Variants in APP observed in about 807,000 individuals in gnomAD.
APP encodes the protein amyloid-beta precursor protein.
In APP, 31 loss-of-function variants were observed where a neutral mutation model predicts 101.4. The ratio of observed to expected loss-of-function variants is 0.31; its 90% CI spans 0.23 to 0.41. APP has a LOEUF of 0.41. APP is among the 10% of genes least tolerant of loss of function. APP has a pLI of 1.00. For missense variants in APP, 839 were observed against 1,003.7 expected (o/e 0.84, Z 2.22); for synonymous variants, 366 against 364.4 (o/e 1.00, Z -0.05).
intron 6 of APP, among the ~76,000 whole-genome samples, chr21:26,006,228 AG>A (rs1667500520): frequency 6.6e-6 from 1 of 152,236 alleles, no homozygotes; most frequent in African/African-American, 2.4e-5. Flanking sequence ...TGGCTATCTA[AG>A]GAACCACAAT....
At chr21:26,163,000 G>T (rs1204808652) in intron 1 of APP, among the ~76,000 whole-genome samples, 2 of 149,646 alleles carry the variant, frequency 1.3e-5, no homozygotes, top group Non-Finnish European at 3.0e-5. Flanking sequence ...GGCCTAGGTG[G>T]GTGGATCACT....
At chr21:25,907,051 T>C (rs771877000) in intron 14 of APP, among the ~76,000 whole-genome samples, 5 of 152,200 alleles carry the variant, frequency 3.3e-5, no homozygotes, top group Non-Finnish European at 7.3e-5. Flanking sequence ...ACAAAGTAAA[T>C]GGTTTTTCCA....
chr21:25,978,812 C>A (rs893854235), intron 9 of APP, among the ~76,000 whole-genome samples: 1 of 151,998 alleles, frequency 6.6e-6, no homozygotes, highest in Non-Finnish European at 1.5e-5. Context: ...ATTAGCTCGG[C>A]GTGGTGGCAC....
chr21:26,170,720 C>T lies in APP; in HGVS notation c.-100G>A, dbSNP rs915486295. The stretch of plus-strand genomic sequence containing the variant: ...CCACCGCCGCCGTCTCCCGGGGCCC[C>T]CGCGCACGCTCCTCCGCGTGCTCTC... On this transcript the variant is annotated 5_prime_UTR_variant, in exon 1 of 18. Transcript: ENST00000346798. 11 of 1,258,744 alleles carry T rather than the reference C, an allele frequency of 8.7e-6. No homozygotes were observed. Among genetic ancestry groups the T allele is most frequent in the Middle Eastern group, 2.7e-4 (1 of 3,650 alleles). 78.0% of individuals were successfully genotyped at this position (1,258,744 alleles called of 1,614,324 possible). A position where few individuals can be genotyped will look rare whatever the true frequency, so the allele number is the denominator to read the frequency against.
intron 8 of APP, among the ~76,000 whole-genome samples, chr21:25,993,115 T>C (rs1228419422): frequency 1.3e-5 from 2 of 152,164 alleles, no homozygotes; most frequent in Non-Finnish European, 2.9e-5. Flanking sequence ...GCAACAAACT[T>C]GGAACCTGGG....
chr21:26,099,116 T>C (rs1457883293), intron 2 of APP, among the ~76,000 whole-genome samples: 2 of 151,684 alleles, frequency 1.3e-5, no homozygotes, highest in African/African-American at 4.8e-5. Flanking sequence ...TAAATACATT[T>C]AGTCCAGAGG....
intron 8 of APP, among the ~76,000 whole-genome samples, chr21:25,990,883 C>T (rs1253851689): frequency 2.6e-5 from 4 of 152,200 alleles, no homozygotes; most frequent in African/African-American, 9.7e-5. Flanking sequence ...AAAATAACTG[C>T]TGCACAGTTC....
chr21:26,061,942 G>A (rs56183877), intron 3 of APP, among the ~76,000 whole-genome samples: 1 of 152,246 alleles, frequency 6.6e-6, no homozygotes, highest in African/African-American at 2.4e-5. Context: ...CTGGCCGGGA[G>A]TGGTGGCTCA....
At chr21:25,887,596 A>G (rs2037418505) in intron 17 of APP, among the ~76,000 whole-genome samples, 1 of 152,040 alleles carries the variant, frequency 6.6e-6, no homozygotes, top group South Asian at 2.1e-4. Flanking sequence ...ATAAAAATAC[A>G]GTTATGGGCC....
chr21:26,093,975 G>A (rs556491776), intron 2 of APP, among the ~76,000 whole-genome samples: 2 of 152,148 alleles, frequency 1.3e-5, no homozygotes, highest in Non-Finnish European at 2.9e-5. Context: ...TTAGCTGGGC[G>A]TCATGGCACA....
intron 16 of APP, among the ~76,000 whole-genome samples, chr21:25,896,508 G>C (rs922204573): frequency 6.6e-6 from 1 of 151,972 alleles, no homozygotes; most frequent in Non-Finnish European, 1.5e-5. Flanking sequence ...CCATTTTTCT[G>C]TCCACCACTG....
chr21:25,924,500 A>T (rs1381319687), intron 13 of APP, among the ~76,000 whole-genome samples: 2 of 147,278 alleles, frequency 1.4e-5, no homozygotes, highest in Non-Finnish European at 3.0e-5. Flanking sequence ...ATCCTCAGCA[A>T]ACTAACATAG....
intron 13 of APP, among the ~76,000 whole-genome samples, chr21:25,952,331 T>C (rs1231585794): frequency 7.2e-5 from 11 of 152,170 alleles, no homozygotes; most frequent in Admixed American, 5.2e-4. Context: ...ATGTGCCATG[T>C]TGGTGTGCTG....
chr21:26,051,762 T>G (rs2045849064), intron 4 of APP, among the ~76,000 whole-genome samples: 1 of 152,206 alleles, frequency 6.6e-6, no homozygotes, highest in South Asian at 2.1e-4. Context: ...CTTTTTGCTT[T>G]TCTGGGATTT....
At chr21:25,940,059 C>T (rs1327008650) in intron 13 of APP, among the ~76,000 whole-genome samples, 5 of 152,062 alleles carry the variant, frequency 3.3e-5, no homozygotes, top group Non-Finnish European at 7.4e-5. Flanking sequence ...ACCATTTCCA[C>T]CCAAGTTTCT....
intron 15 of APP, among the ~76,000 whole-genome samples, chr21:25,904,414 T>C (rs898350691): frequency 7.9e-5 from 12 of 152,240 alleles, no homozygotes; most frequent in African/African-American, 2.9e-4. Context: ...AAAAAGGGCT[T>C]ATGTGCAAAA....
chr21:25,933,119 G>A (rs1329460300), intron 13 of APP, among the ~76,000 whole-genome samples: 1 of 152,092 alleles, frequency 6.6e-6, no homozygotes, highest in African/African-American at 2.4e-5. Context: ...TTTGCTTTGA[G>A]GAAGGGTCTC....
chr21:25,894,611 T>C (rs139838749), intron 16 of APP, among the ~76,000 whole-genome samples: 287 of 152,344 alleles, frequency 1.9e-3, no homozygotes, highest in African/African-American at 6.7e-3. Context: ...CCTAAAGACA[T>C]GACTGAACTG....
At chr21:26,084,485 C>A (rs1461225383) in intron 3 of APP, among the ~76,000 whole-genome samples, 1 of 151,812 alleles carries the variant, frequency 6.6e-6, no homozygotes, top group African/African-American at 2.4e-5. Flanking sequence ...GCGATCCGCC[C>A]ATCTCGGCCT....
Sources: allele counts gnomAD v4.1 joint callset (sites outside exome capture counted in the v4.1 genomes callset), GRCh38; gene constraint gnomAD v4.1.1; transcripts MANE v1.5; gene names NCBI Gene and HGNC (gene_info 2026-07-23, HGNC 2026-07-21).